CADPS: variants seen among roughly 807,000 people sequenced by gnomAD.
CADPS encodes the protein calcium-dependent secretion activator 1.
In CADPS, 57 loss-of-function variants were observed where a neutral mutation model predicts 167.3. That is an observed-to-expected ratio of 0.34 (90% CI 0.28 to 0.42). The LOEUF is 0.42. CADPS is among the 20% of genes least tolerant of loss of function. The pLI is 1.00. For missense variants in CADPS, 1,414 were observed against 1,738.1 expected (o/e 0.81, Z 3.32); for synonymous variants, 676 against 635.3 (o/e 1.06, Z -0.96).
intron 7 of CADPS, among the ~76,000 whole-genome samples, chr3:62,585,649 G>A (rs1243282052): frequency 6.6e-6 from 1 of 152,188 alleles, no homozygotes. Context: ...ATAAGAAGAT[G>A]GATGCATAAA....
At chr3:62,833,483 C>G (rs537494964) in intron 1 of CADPS, among the ~76,000 whole-genome samples, 4 of 151,896 alleles carry the variant, frequency 2.6e-5, no homozygotes, top group African/African-American at 9.6e-5. Context: ...AGCTGAGGCA[C>G]GGCCAGCTTA....
At chr3:62,502,721 A>G (rs1375427483) in intron 17 of CADPS, among the ~76,000 whole-genome samples, 6 of 152,194 alleles carry the variant, frequency 3.9e-5, no homozygotes, top group African/African-American at 7.2e-5. Flanking sequence ...TGCCAAGTAG[A>G]GGAATGATGA....
At chr3:62,445,537 G>A (rs978164400) in intron 27 of CADPS, among the ~76,000 whole-genome samples, 1 of 151,930 alleles carries the variant, frequency 6.6e-6, no homozygotes, top group Non-Finnish European at 1.5e-5. Flanking sequence ...CCCTCAAACA[G>A]GACCTTTCTT....
chr3:62,589,379 C>T (rs2085414315), intron 7 of CADPS, among the ~76,000 whole-genome samples: 1 of 152,212 alleles, frequency 6.6e-6, no homozygotes, highest in Non-Finnish European at 1.5e-5. Flanking sequence ...GGTAAACTAG[C>T]ATCTGGGGGA....
At chr3:62,549,025 C>A (rs1363702728) in intron 11 of CADPS, among the ~76,000 whole-genome samples, 1 of 152,152 alleles carries the variant, frequency 6.6e-6, no homozygotes, top group Non-Finnish European at 1.5e-5. Flanking sequence ...GACAGTTGCT[C>A]AATGACCTAG....
intron 6 of CADPS, among the ~76,000 whole-genome samples, chr3:62,622,034 C>T (rs1226474078): frequency 6.6e-6 from 1 of 152,046 alleles, no homozygotes. Context: ...CTCTGTGCAC[C>T]TTTCTGGATA....
chr3:62,405,667 G>A (rs1170957239), intron 28 of CADPS, among the ~76,000 whole-genome samples: 4 of 152,170 alleles, frequency 2.6e-5, no homozygotes, highest in Admixed American at 2.6e-4. Context: ...CCCACCCCAG[G>A]AGAACAAGAA....
At chr3:62,557,548 T>C (rs1398961904) in intron 9 of CADPS, 35 bp from the exon 10 acceptor site, 4 of 1,522,656 alleles carry the variant, frequency 2.6e-6, no homozygotes, top group African/African-American at 1.4e-5. Flanking sequence ...GGTTGACCCC[T>C]GGAGCCTGTC....
intron 1 of CADPS, among the ~76,000 whole-genome samples, chr3:62,855,295 A>G (rs2079466943): frequency 6.6e-6 from 1 of 151,798 alleles, no homozygotes; most frequent in Non-Finnish European, 1.5e-5. Flanking sequence ...TATATATCTC[A>G]GCATGGAAGT....
intron 6 of CADPS, among the ~76,000 whole-genome samples, chr3:62,612,957 C>G (rs1471165359): frequency 1.3e-5 from 2 of 152,166 alleles, no homozygotes; most frequent in Admixed American, 6.5e-5. Context: ...TTGGGCAAGA[C>G]AGACAATAAT....
At chr3:62,682,586 T>C (rs1365525491) in intron 3 of CADPS, among the ~76,000 whole-genome samples, 4 of 151,998 alleles carry the variant, frequency 2.6e-5, no homozygotes, top group Admixed American at 6.6e-5. Flanking sequence ...AGCTGAGAGG[T>C]TAGGAAACTA....
rs775963014 is a variant in CADPS, at chr3:62,445,722, AAAAAC to A, written c.3669+38_3669+42del. ...ACAAAAAGTAAAAATGAAAAAAAAA[AAAAAC>A]AAAAAAACCCCATGAGAAACAATTT... On this transcript the variant is annotated intron_variant, in intron 27 of 29. Transcript: ENST00000383710. 1.5e-4 allele frequency: 207 copies of A among 1,401,816 alleles called. 10 individuals carry two copies. The highest frequency in any genetic ancestry group is 2.3e-4 in the South Asian group (17 of 73,312). The allele number at this position is 1,401,816 out of a possible 1,614,324, so 86.8% of individuals were successfully genotyped here.
At chr3:62,717,339 T>C (rs2084880438) in intron 3 of CADPS, among the ~76,000 whole-genome samples, 1 of 152,206 alleles carries the variant, frequency 6.6e-6, no homozygotes, top group Non-Finnish European at 1.5e-5. Flanking sequence ...GTTTAGCATT[T>C]ATTACACAAC....
chr3:62,474,298 T>C lies in CADPS; in HGVS notation c.3352A>G (p.Lys1118Glu), dbSNP rs771021661. The C allele has an allele frequency of 6.2e-7, 1 of 1,613,808 alleles. No homozygotes were observed. Among genetic ancestry groups the C allele is most frequent in the Admixed American group, 1.7e-5 (1 of 59,992 alleles). The change falls in exon 24 of 30, where the codon AAG becomes GAG. Residue 1118 changes from lysine to glutamate, a missense_variant. Transcript: ENST00000383710. ...VKRTRIAFEV[K>E]LQKTSRSTDF... ...GTTGATCGACTGGTTTTTTGCAGCT[T>C]AACTTCAAATGCAATCCTGGTTCTA...
At chr3:62,674,606 G>A (rs1487355292) in intron 3 of CADPS, among the ~76,000 whole-genome samples, 1 of 152,136 alleles carries the variant, frequency 6.6e-6, no homozygotes, top group Non-Finnish European at 1.5e-5. Context: ...CCTAAGAAGA[G>A]GAGGTGGTAT....
At chr3:62,760,075 G>A (rs898503352) in intron 2 of CADPS, among the ~76,000 whole-genome samples, 5 of 151,970 alleles carry the variant, frequency 3.3e-5, no homozygotes, top group Non-Finnish European at 7.4e-5. Flanking sequence ...CTTTTCCCCT[G>A]CTCCATCTTG....
intron 1 of CADPS, among the ~76,000 whole-genome samples, chr3:62,821,374 A>G (rs1362772744): frequency 6.6e-6 from 1 of 152,082 alleles, no homozygotes; most frequent in Non-Finnish European, 1.5e-5. Flanking sequence ...ACAGAAATAT[A>G]TTATTTTGCA....
chr3:62,794,304 A>C (rs549288851), intron 1 of CADPS, among the ~76,000 whole-genome samples: 11 of 152,302 alleles, frequency 7.2e-5, no homozygotes, highest in African/African-American at 2.6e-4. Flanking sequence ...TAGTGATGGA[A>C]GCTTGTATTT....
At chr3:62,542,192 T>C (rs1016001870) in intron 11 of CADPS, among the ~76,000 whole-genome samples, 4 of 152,290 alleles carry the variant, frequency 2.6e-5, no homozygotes, top group South Asian at 4.1e-4. Flanking sequence ...TGTTTTAACA[T>C]TGGAATTTAG....
Sources: gnomAD v4.1 joint callset for allele counts (sites outside exome capture counted in the v4.1 genomes callset) on GRCh38, gnomAD v4.1.1 for gene constraint, MANE v1.5 for transcripts, NCBI Gene and HGNC (gene_info 2026-07-23, HGNC 2026-07-21) for gene names.